Variants in ADAM32 observed in about 807,000 individuals in gnomAD.
ADAM32 encodes the protein disintegrin and metalloproteinase domain-containing protein 32.
In ADAM32, 89 loss-of-function variants were observed where a neutral mutation model predicts 114.9. The observed-to-expected ratio is 0.77, with a 90% CI of 0.65 to 0.92. The LOEUF is 0.92. Among genes scored for constraint, ADAM32 ranks in the 40% least tolerant of loss-of-function variants. The pLI is 0.00. For synonymous variants in ADAM32, 285 were observed against 307.5 expected (o/e 0.93, Z 0.77); for missense variants, 870 against 932.8 (o/e 0.93, Z 0.88).
At chr8:39,273,461 AG>A (rs1170468493) in intron 20 of ADAM32, among the ~76,000 whole-genome samples, 1 of 152,230 alleles carries the variant, frequency 6.6e-6, no homozygotes, top group African/African-American at 2.4e-5. Context: ...CAGGATGCAG[AG>A]GTTGCAGTGA....
Position 39,236,851 on chromosome 8 carries a change from AG to A in ADAM32, c.1818+2771del, listed in dbSNP as rs780583746. ...GGACACAGGGAGAAAAATGGCAGATAGGAGGCAGGACTTACTTGCAGCTCCC... is the reference window on the plus strand; with the variant it reads ...GGACACAGGGAGAAAAATGGCAGATAGAGGCAGGACTTACTTGCAGCTCCC... On this transcript the variant is annotated intron_variant, in intron 16 of 24. Transcript: ENST00000379907. 9.6e-4 allele frequency among the ~76,000 whole-genome samples: 146 copies of A among 152,332 alleles called. 2 individuals are homozygous for A. The highest frequency in any genetic ancestry group is 2.4e-4 in the Non-Finnish European group (16 of 68,026).
At chr8:39,156,168 G>T (rs1438468797) in intron 6 of ADAM32, among the ~76,000 whole-genome samples, 3 of 151,984 alleles carry the variant, frequency 2.0e-5, no homozygotes, top group African/African-American at 4.8e-5. Flanking sequence ...TGGAGGCAGG[G>T]TCTTACTCTG....
chr8:39,229,666 A>G (rs1373337833), intron 14 of ADAM32, among the ~76,000 whole-genome samples: 1 of 152,222 alleles, frequency 6.6e-6, no homozygotes, highest in Admixed American at 6.5e-5. Context: ...CTAAACATAT[A>G]TGCACCTATC....
intron 1 of ADAM32, among the ~76,000 whole-genome samples, chr8:39,111,412 A>G (rs140565532): frequency 1.3e-5 from 2 of 152,262 alleles, no homozygotes; most frequent in Admixed American, 6.5e-5. Context: ...GCTTGCTTAG[A>G]TTTTGATTAG....
intron 6 of ADAM32, among the ~76,000 whole-genome samples, chr8:39,155,787 AT>A (rs1285079382): frequency 6.6e-6 from 1 of 151,032 alleles, no homozygotes; most frequent in Admixed American, 6.6e-5. Flanking sequence ...TGTTTAGTGG[AT>A]TTTTTTCTAG....
At chr8:39,184,276 A>G (rs1806086119) in intron 10 of ADAM32, among the ~76,000 whole-genome samples, 1 of 152,140 alleles carries the variant, frequency 6.6e-6, no homozygotes, top group Non-Finnish European at 1.5e-5. Flanking sequence ...ATTACTCTTG[A>G]TTTATCATCT....
chr8:39,113,955 G>A (rs1163336566), intron 1 of ADAM32, among the ~76,000 whole-genome samples: 1 of 151,840 alleles, frequency 6.6e-6, no homozygotes, highest in Non-Finnish European at 1.5e-5. Flanking sequence ...GGTATTAGGA[G>A]ACGTGTTGAT....
At chr8:39,217,474 C>T (rs997222290) in intron 12 of ADAM32, among the ~76,000 whole-genome samples, 4 of 151,978 alleles carry the variant, frequency 2.6e-5, no homozygotes, top group African/African-American at 9.7e-5. Flanking sequence ...TATCTACCTC[C>T]TCTTTAAGGC....
At chr8:39,218,358 C>G (rs1163658061) in intron 12 of ADAM32, among the ~76,000 whole-genome samples, 1 of 152,056 alleles carries the variant, frequency 6.6e-6, no homozygotes, top group African/African-American at 2.4e-5. Context: ...CTTGCTGAAA[C>G]CACTACCTGA....
chr8:39,228,126 C>T (rs6474124), intron 14 of ADAM32, among the ~76,000 whole-genome samples: 5 of 152,182 alleles, frequency 3.3e-5, no homozygotes, highest in African/African-American at 1.2e-4. Context: ...CATAGGAAAA[C>T]GGGGAGAGTA....
At chr8:39,181,561 A>T (rs1805897162) in intron 10 of ADAM32, among the ~76,000 whole-genome samples, 1 of 152,194 alleles carries the variant, frequency 6.6e-6, no homozygotes, top group Non-Finnish European at 1.5e-5. Context: ...TAATTGGGCT[A>T]GGTATAGAAT....
chr8:39,115,078 A>G (rs1010094665), intron 1 of ADAM32, among the ~76,000 whole-genome samples: 3 of 152,212 alleles, frequency 2.0e-5, no homozygotes, highest in African/African-American at 7.2e-5. Context: ...ATAGTATTCC[A>G]TGGTGTATAT....
intron 14 of ADAM32, among the ~76,000 whole-genome samples, chr8:39,227,797 C>T (rs1423455986): frequency 1.3e-5 from 2 of 152,170 alleles, no homozygotes; most frequent in African/African-American, 4.8e-5. Flanking sequence ...TAGGGCCCCA[C>T]CCACCACTGG....
chr8:39,225,882 A>G (rs545766304), intron 14 of ADAM32, among the ~76,000 whole-genome samples: 1 of 152,176 alleles, frequency 6.6e-6, no homozygotes, highest in East Asian at 1.9e-4. Flanking sequence ...ACAATAAGAA[A>G]CATGAAAAAC....
intron 16 of ADAM32, among the ~76,000 whole-genome samples, chr8:39,235,710 T>A (rs1810089943): frequency 6.6e-6 from 1 of 152,224 alleles, no homozygotes; most frequent in Admixed American, 6.5e-5. Flanking sequence ...TGTAAGTTAG[T>A]GTCCTTATTC....
At chr8:39,167,573 G>T (rs1191962033) in intron 9 of ADAM32, 1 of 152,050 alleles carries the variant, frequency 6.6e-6, no homozygotes, top group African/African-American at 2.4e-5. Context: ...TTCTAATTCT[G>T]TGAAGAATGA....
chr8:39,130,954 G>GTT, intron 2 of ADAM32: 1 of 337,732 alleles, frequency 3.0e-6, no homozygotes, highest in South Asian at 2.1e-5. Flanking sequence ...GCAGGAGGAT[G>GTT]TCTTTTTTTT....
chr8:39,241,376 GC>G (rs1203357700), intron 16 of ADAM32, among the ~76,000 whole-genome samples: 1 of 152,216 alleles, frequency 6.6e-6, no homozygotes, highest in Non-Finnish European at 1.5e-5. Flanking sequence ...ACTAGGCAGT[GC>G]CCCAGTAGGG....
chr8:39,270,209 T>A (rs764347783), intron 19 of ADAM32, among the ~76,000 whole-genome samples: 1 of 152,354 alleles, frequency 6.6e-6, no homozygotes, highest in Non-Finnish European at 1.5e-5. Flanking sequence ...AAAATATTTT[T>A]AAAAATTTGC....
Sources: gnomAD v4.1 joint callset for allele counts (sites outside exome capture counted in the v4.1 genomes callset) on GRCh38, gnomAD v4.1.1 for gene constraint, MANE v1.5 for transcripts, NCBI Gene and HGNC (gene_info 2026-07-23, HGNC 2026-07-21) for gene names.